The following WDR64 variants were observed in gnomAD, a reference collection of about 807,000 sequenced individuals.
WDR64 encodes the protein WD repeat-containing protein 64.
Under a neutral mutation model 139.3 loss-of-function variants are expected in WDR64, and 112 were observed. The ratio of observed to expected loss-of-function variants is 0.80; its 90% CI spans 0.69 to 0.94. The LOEUF (loss-of-function observed/expected upper bound fraction) is 0.94, where lower values mean the gene tolerates loss of function less well. Among genes scored for constraint, WDR64 ranks in the 40% least tolerant of loss-of-function variants. The probability of loss-of-function intolerance (pLI) is 0.00; values close to 1 mark genes in which losing one functional copy is unlikely to be tolerated. For missense variants in WDR64, 1,206 were observed against 1,293.1 expected, an observed-to-expected ratio of 0.93 and a Z score of 1.03; for synonymous variants, 444 against 437.7, an observed-to-expected ratio of 1.01 and a Z score of -0.18.
intron 1 of WDR64, among the ~76,000 whole-genome samples, chr1:241,654,904 A>G (rs1351920813): frequency 6.6e-6 from 1 of 152,192 alleles, no homozygotes; most frequent in Non-Finnish European, 1.5e-5. Flanking sequence ...TTGTGTTTAA[A>G]CTTGTGTCCT....
At chr1:241,726,292 G>C (rs1490808487) in intron 10 of WDR64, among the ~76,000 whole-genome samples, 2 of 152,084 alleles carry the variant, frequency 1.3e-5, no homozygotes, top group Non-Finnish European at 2.9e-5. Context: ...GCAAGGGACT[G>C]CATGTAGTGG....
intron 25 of WDR64, among the ~76,000 whole-genome samples, chr1:241,793,123 C>CATA (rs1659255212): frequency 6.6e-6 from 1 of 152,136 alleles, no homozygotes; most frequent in African/African-American, 2.4e-5. Context: ...AACAATTTTG[C>CATA]ATAAGTATAT....
At chr1:241,763,480 C>A (rs1045175917) in intron 15 of WDR64, among the ~76,000 whole-genome samples, 1 of 152,064 alleles carries the variant, frequency 6.6e-6, no homozygotes, top group Non-Finnish European at 1.5e-5. Context: ...GAGGCCAAGG[C>A]GGGCAGATAA....
Position 241,674,696 on chromosome 1 carries a change from T to G in WDR64, c.432T>G (p.Asp144Glu), listed in dbSNP as rs1666397139. The G allele has an allele frequency of 4.5e-6, 7 of 1,550,434 alleles. No homozygotes were observed. The highest frequency in any genetic ancestry group is 6.1e-6 in the Non-Finnish European group (7 of 1,146,244). ...GCATTGTCAAGATACCTCACCTGGA[T>G]TTACTAATAACAGCTACTCAGAAAG... ...IKSIVKIPHL[D>E]LLITATQKGL... Residue 144 changes from aspartate to glutamate, a missense_variant, in exon 4 of 28, where the codon GAT becomes GAG. Coordinates refer to ENST00000437684, the MANE Select transcript of WDR64 (RefSeq NM_001367482.1).
chr1:241,719,873 G>A (rs1668542431), intron 9 of WDR64, among the ~76,000 whole-genome samples: 1 of 152,054 alleles, frequency 6.6e-6, no homozygotes, highest in African/African-American at 2.4e-5. Flanking sequence ...GTAAACATGT[G>A]CCATGGTGGT....
intron 15 of WDR64, among the ~76,000 whole-genome samples, chr1:241,761,934 G>T (rs61827080): frequency 0.15 from 22,807 of 152,198 alleles, 1,909 homozygotes; most frequent in African/African-American, 0.19. Context: ...CTCCACTGAA[G>T]TCTTGAACCC....
chr1:241,784,239 G>A (rs934771671), intron 23 of WDR64, among the ~76,000 whole-genome samples: 1 of 152,150 alleles, frequency 6.6e-6, no homozygotes, highest in Non-Finnish European at 1.5e-5. Context: ...ATTTTACGTG[G>A]GGGAGTAATA....
chr1:241,666,853 T>G (rs950212198), intron 2 of WDR64, among the ~76,000 whole-genome samples: 1 of 152,206 alleles, frequency 6.6e-6, no homozygotes, highest in Non-Finnish European at 1.5e-5. Flanking sequence ...TATCCTTATT[T>G]TACACACGGG....
chr1:241,758,703 G>GC (rs1183634733), intron 15 of WDR64, among the ~76,000 whole-genome samples: 1 of 152,060 alleles, frequency 6.6e-6, no homozygotes. Flanking sequence ...GCCTCTTCAG[G>GC]CTCCTGAGTT....
chr1:241,751,210 A>C (rs1310342580), intron 14 of WDR64, among the ~76,000 whole-genome samples: 1 of 152,226 alleles, frequency 6.6e-6, no homozygotes, highest in Non-Finnish European at 1.5e-5. Context: ...GTGCTTTCAC[A>C]AAGTGTCTCA....
In WDR64 at chr1:241,757,379, T is replaced by C; in HGVS notation, c.1867T>C (p.Ser623Pro). The C allele has an allele frequency of 2.5e-6, 4 of 1,614,110 alleles. No individual in the cohort carries two copies. The highest frequency in any genetic ancestry group is 3.4e-6 in the Non-Finnish European group (4 of 1,180,002). ...GAAACATGCTGTGCATCTGAGAATGTCTACTAGAGACAGGAACATGGCTAT... is the reference window on the plus strand; with the variant it reads ...GAAACATGCTGTGCATCTGAGAATGCCTACTAGAGACAGGAACATGGCTAT... The part of the protein sequence containing the change: ...DGKHAVHLRM[S>P]TRDRNMAIPF... Residue 623 changes from serine to proline, a missense_variant, in exon 15 of 28, where the codon TCT (serine) becomes CCT (proline). Transcript: ENST00000437684.
At chr1:241,780,213 AGTGGTCTGCTGGT>A (rs1658796841) in intron 22 of WDR64, 151 bp downstream of exon 22, 1 of 672,330 alleles carries the variant, frequency 1.5e-6, no homozygotes. Flanking sequence ...GACAAATTGC[AGTGGTCTGCTGGT>A]GAAAAGGGAT....
At chr1:241,663,785 T>C (rs1194735892) in intron 2 of WDR64, among the ~76,000 whole-genome samples, 4 of 152,250 alleles carry the variant, frequency 2.6e-5, no homozygotes, top group African/African-American at 4.8e-5. Context: ...GGCTAGGGGC[T>C]ATTGTATTAT....
At chr1:241,779,826 T>C (rs148389494) in intron 21 of WDR64, among the ~76,000 whole-genome samples, 178 bp from the exon 22 acceptor site, 331 of 152,250 alleles carry the variant, frequency 2.2e-3, no homozygotes, top group Middle Eastern at 6.8e-3. Context: ...CGAGACTCCA[T>C]CTCAAATAAA....
At chr1:241,737,779 T>TATA (rs1220613896) in intron 10 of WDR64, among the ~76,000 whole-genome samples, 1 of 152,222 alleles carries the variant, frequency 6.6e-6, no homozygotes, top group African/African-American at 2.4e-5. Flanking sequence ...TTTGAGTAAT[T>TATA]ATATAGTTAT....
chr1:241,667,703 T>A (rs1048893405), intron 2 of WDR64, among the ~76,000 whole-genome samples: 3 of 152,126 alleles, frequency 2.0e-5, no homozygotes, highest in Non-Finnish European at 4.4e-5. Context: ...GAACAGGCCT[T>A]CAGACCAACA....
At chr1:241,740,198 A>G (rs1164735169) in intron 11 of WDR64, among the ~76,000 whole-genome samples, 1 of 152,244 alleles carries the variant, frequency 6.6e-6, no homozygotes, top group East Asian at 1.9e-4. Context: ...ATTCTTTCTC[A>G]GCACTGCATC....
intron 2 of WDR64, among the ~76,000 whole-genome samples, chr1:241,669,749 T>G (rs1051275484): frequency 6.6e-6 from 1 of 152,226 alleles, no homozygotes; most frequent in African/African-American, 2.4e-5. Flanking sequence ...AATATAATGT[T>G]AAGCCATCAT....
intron 4 of WDR64, among the ~76,000 whole-genome samples, chr1:241,674,987 C>T (rs1179487636): frequency 6.5e-4 from 29 of 44,522 alleles, no homozygotes; most frequent in Non-Finnish European, 1.1e-3. Flanking sequence ...CTTCTTTCCT[C>T]CCTTTCTCCC....
Sources: allele counts gnomAD v4.1 joint callset (sites outside exome capture counted in the v4.1 genomes callset), GRCh38; gene constraint gnomAD v4.1.1; transcripts MANE v1.5; gene names NCBI Gene and HGNC (gene_info 2026-07-23, HGNC 2026-07-21).